Variants in SLC7A7 observed in about 807,000 individuals in gnomAD.
The protein encoded by SLC7A7 is Y+L amino acid transporter 1.
SLC7A7 carries 39 observed loss-of-function variants against 47.9 expected under a neutral mutation model. That is an observed-to-expected ratio of 0.81 (90% CI 0.63 to 1.06). The LOEUF is 1.06. SLC7A7 is among the 50% of genes least tolerant of loss of function. The probability of loss-of-function intolerance (pLI) is 0.00; values close to 1 mark genes in which losing one functional copy is unlikely to be tolerated. For synonymous variants in SLC7A7, 234 were observed against 242.8 expected (o/e 0.96, Z 0.34); for missense variants, 588 against 632.0 (o/e 0.93, Z 0.75).
rs58930730 is a variant in SLC7A7, at chr14:22,812,773, C to CTATATATA, written c.499+119_499+126dup. On this transcript the variant is annotated intron_variant, in intron 2 of 9. Coordinates refer to ENST00000674313, the MANE Select transcript of SLC7A7 (RefSeq NM_003982.4). ...AATTTTCACACAAAGCATACTTTAA[C>CTATATATA]TATATATATATATATATATGTTGTC... 89 of 439,490 alleles carry CTATATATA rather than the reference C, an allele frequency of 2.0e-4. 3 individuals carry two copies. Among genetic ancestry groups the CTATATATA allele is most frequent in the East Asian group, 6.3e-4 (15 of 23,690 alleles). The allele number at this position is 439,490 out of a possible 1,614,324, so 27.2% of individuals were successfully genotyped here. A position where few individuals can be genotyped will look rare whatever the true frequency, so the allele number is the denominator to read the frequency against.
At chr14:22,807,012 C>T (rs893495964) in intron 2 of SLC7A7, among the ~76,000 whole-genome samples, 1 of 151,872 alleles carries the variant, frequency 6.6e-6, no homozygotes, top group Non-Finnish European at 1.5e-5. Flanking sequence ...ATTCTCCTGC[C>T]TCAGCCTCCC....
At chr14:22,774,249 C>G (rs923171502) in intron 8 of SLC7A7, 105 bp downstream of exon 8, 7 of 1,599,116 alleles carry the variant, frequency 4.4e-6, no homozygotes, top group Admixed American at 3.3e-5. Context: ...TACTAACGAC[C>G]AAGTCCCAGG....
intron 1 of SLC7A7, among the ~76,000 whole-genome samples, chr14:22,814,287 C>T (rs2039373242): frequency 6.6e-6 from 1 of 151,408 alleles, no homozygotes; most frequent in Admixed American, 6.6e-5. Flanking sequence ...AGTTCGAGAC[C>T]AGCCTGACCA....
At chr14:22,805,365 A>C (rs1767746352) in intron 2 of SLC7A7, among the ~76,000 whole-genome samples, 1 of 152,250 alleles carries the variant, frequency 6.6e-6, no homozygotes, top group Non-Finnish European at 1.5e-5. Context: ...ACTCAGTCTC[A>C]AAAGAAAAAG....
intron 3 of SLC7A7, among the ~76,000 whole-genome samples, chr14:22,779,243 G>A (rs897364705): frequency 2.6e-5 from 4 of 152,204 alleles, no homozygotes; most frequent in African/African-American, 9.7e-5. Flanking sequence ...ATGCAGTTCT[G>A]TTCTGCTCTG....
At chr14:22,802,441 A>AAG (rs1566457990) in intron 2 of SLC7A7, among the ~76,000 whole-genome samples, 4 of 151,358 alleles carry the variant, frequency 2.6e-5, no homozygotes, top group Non-Finnish European at 4.4e-5. Context: ...CAAACAAAAA[A>AAG]AATATTTATC....
chr14:22,797,754 TA>T (rs531308469), intron 2 of SLC7A7, among the ~76,000 whole-genome samples: 1,970 of 152,190 alleles, frequency 0.013, 13 homozygotes, highest in Non-Finnish European at 0.018. Context: ...ACCACCCGTA[TA>T]AAAAAACCTA....
rs1182106993 is a variant in SLC7A7 at position 22,774,406 on chromosome 14, A to G, written c.1193T>C (p.Val398Ala). 3 of 1,614,166 alleles carry G rather than the reference A, an allele frequency of 1.9e-6. No individual in the cohort carries two copies. In the South Asian group the frequency reaches 3.3e-5, roughly 18 times the overall value. ...SYWFFVGLSI[V>A]GQLYLRWKEP... ...CTTCCAGCGCAGATAAAGCTGACCC[A>G]CAATAGAAAGCCCCACAAAGAACCA... The change falls in exon 8 of 10, where the codon GTG becomes GCG. Residue 398 changes from valine (V) to alanine (A), a missense_variant. By Grantham distance (64) the Val-to-Ala change is moderately conservative. Transcript: ENST00000674313.
intron 2 of SLC7A7, among the ~76,000 whole-genome samples, chr14:22,809,335 C>G (rs534314876): frequency 9.4e-5 from 14 of 149,524 alleles, no homozygotes; most frequent in African/African-American, 3.2e-4. Context: ...CCCACCACCA[C>G]ACCCAGCTTT....
chr14:22,786,325 C>CAAAT (rs35501308), intron 2 of SLC7A7, among the ~76,000 whole-genome samples: 1 of 151,502 alleles, frequency 6.6e-6, no homozygotes, highest in Non-Finnish European at 1.5e-5. Context: ...TAAAAACAAA[C>CAAAT]AAAAAGGATG....
intron 1 of SLC7A7, among the ~76,000 whole-genome samples, chr14:22,814,033 G>A (rs1441230698): frequency 2.7e-5 from 4 of 150,592 alleles, no homozygotes; most frequent in Admixed American, 6.6e-5. Flanking sequence ...CAGGTTATCC[G>A]CCCGCCTCGG....
chr14:22,774,106 A>C lies in SLC7A7; in HGVS notation c.1256T>G (p.Phe419Cys). ...GCAGAGGCAGAAGACAATCGGGAAG[A>C]AAACGCTGAGCTAAGGGCACAGGAA... The part of the protein sequence containing the change: ...DRPRPLKLSV[F>C]FPIVFCLCTI... The change falls in exon 9 of 10, where the codon TTC becomes TGC. Residue 419 changes from phenylalanine to cysteine, a missense_variant. Physicochemically the swap from Phe to Cys is radical, Grantham distance 205. Coordinates refer to ENST00000674313, the MANE Select transcript of SLC7A7 (RefSeq NM_003982.4). 4 of 1,614,196 alleles carry C rather than the reference A, an allele frequency of 2.5e-6. No individual in the cohort carries two copies. Among genetic ancestry groups the C allele is most frequent in the Non-Finnish European group, 2.5e-6 (3 of 1,180,032 alleles).
chr14:22,774,750 C>T (rs1248108967), intron 7 of SLC7A7, among the ~76,000 whole-genome samples: 1 of 152,144 alleles, frequency 6.6e-6, no homozygotes, highest in African/African-American at 2.4e-5. Flanking sequence ...GAAACAATCC[C>T]TCAAAAGTCT....
intron 2 of SLC7A7, among the ~76,000 whole-genome samples, chr14:22,795,076 CTTTTTT>C (rs3076435): frequency 9.2e-5 from 9 of 97,584 alleles, no homozygotes; most frequent in Non-Finnish European, 1.2e-4. Context: ...TTCTTTCTTT[CTTTTTT>C]TTTTTTTTTT....
intron 2 of SLC7A7, among the ~76,000 whole-genome samples, chr14:22,797,751 G>C (rs146736102): frequency 1.3e-5 from 2 of 151,912 alleles, no homozygotes; most frequent in African/African-American, 4.8e-5. Flanking sequence ...TCAACCACCC[G>C]TATAAAAAAA....
chr14:22,795,394 C>CTTTA (rs1566453688), intron 2 of SLC7A7, among the ~76,000 whole-genome samples: 1 of 60,226 alleles, frequency 1.7e-5, no homozygotes, highest in African/African-American at 6.0e-5. Context: ...TGCTTTCTTT[C>CTTTA]TTTCTTTCTT....
chr14:22,811,844 CAAAA>C (rs57356836), intron 2 of SLC7A7, among the ~76,000 whole-genome samples: 2 of 125,184 alleles, frequency 1.6e-5, no homozygotes, highest in East Asian at 2.2e-4. Flanking sequence ...GACTCTATCT[CAAAA>C]AAAAAAAAAA....
At chr14:22,790,803 T>C (rs1437883019) in intron 2 of SLC7A7, among the ~76,000 whole-genome samples, 1 of 151,950 alleles carries the variant, frequency 6.6e-6, no homozygotes, top group East Asian at 1.9e-4. Context: ...ATTGAGACCA[T>C]CCTGGCCAAC....
chr14:22,806,521 T>C (rs1307007859), intron 2 of SLC7A7, among the ~76,000 whole-genome samples: 1 of 151,942 alleles, frequency 6.6e-6, no homozygotes, highest in Non-Finnish European at 1.5e-5. Flanking sequence ...GCAGAAGACT[T>C]GGATGCCCTG....
Sources: allele counts gnomAD v4.1 joint callset (sites outside exome capture counted in the v4.1 genomes callset), GRCh38; gene constraint gnomAD v4.1.1; transcripts MANE v1.5; gene names NCBI Gene and HGNC (gene_info 2026-07-23, HGNC 2026-07-21).